The following CNTNAP2 variants were observed in gnomAD, a reference collection of about 807,000 sequenced individuals.
The protein encoded by CNTNAP2 is contactin associated protein 2.
Under a neutral mutation model 155.2 loss-of-function variants are expected in CNTNAP2, and 98 were observed. The ratio of observed to expected loss-of-function variants is 0.63; its 90% CI spans 0.54 to 0.75. The LOEUF is 0.75. Ranked by LOEUF, CNTNAP2 falls within the 30% of genes least tolerant of loss-of-function variation. The pLI, the probability that CNTNAP2 is intolerant of heterozygous loss-of-function variation, is 0.00. For missense variants in CNTNAP2, 1,727 were observed against 1,688.1 expected (o/e 1.02, Z -0.40); for synonymous variants, 651 against 631.2 (o/e 1.03, Z -0.47).
intron 1 of CNTNAP2, among the ~76,000 whole-genome samples, chr7:146,364,243 A>G (rs6464755): frequency 0.51 from 76,915 of 152,096 alleles, 23,664 homozygotes; most frequent in African/African-American, 0.87. Flanking sequence ...ACTAATTACC[A>G]GAGCTGAAAA....
chr7:146,371,393 G>C (rs1290422098), intron 1 of CNTNAP2, among the ~76,000 whole-genome samples: 3 of 114,132 alleles, frequency 2.6e-5, no homozygotes, highest in African/African-American at 3.7e-5. Flanking sequence ...TTTTGAGATG[G>C]AGTCTCGCTC....
At chr7:148,227,884 CGTGTGTGT>C (rs3057282) in intron 19 of CNTNAP2, among the ~76,000 whole-genome samples, 4,131 of 131,464 alleles carry the variant, frequency 0.031, 87 homozygotes, top group Middle Eastern at 0.051. Context: ...AAGAGCACAG[CGTGTGTGT>C]GTGTGTGTGT....
intron 1 of CNTNAP2, among the ~76,000 whole-genome samples, chr7:146,456,034 T>C (rs1699638659): frequency 6.6e-6 from 1 of 152,148 alleles, no homozygotes; most frequent in African/African-American, 2.4e-5. Flanking sequence ...CTCATCCTTA[T>C]ACAAGTGGAG....
At chr7:147,161,742 C>T (rs149629902) in intron 8 of CNTNAP2, 3 of 152,182 alleles carry the variant, frequency 2.0e-5, no homozygotes, top group African/African-American at 7.2e-5. Context: ...AAATATTTTC[C>T]TGTGAATCTA....
intron 15 of CNTNAP2, among the ~76,000 whole-genome samples, chr7:148,103,873 T>G (rs1804153641): frequency 6.6e-6 from 1 of 152,204 alleles, no homozygotes; most frequent in African/African-American, 2.4e-5. Context: ...GCAGCACATT[T>G]TGTAAAAATC....
intron 1 of CNTNAP2, among the ~76,000 whole-genome samples, chr7:146,621,460 C>T (rs1253263552): frequency 2.0e-5 from 3 of 152,132 alleles, no homozygotes; most frequent in African/African-American, 7.2e-5. Context: ...CATTATGCCT[C>T]CTTAGGATTC....
chr7:146,994,560 C>T (rs1178520640), intron 3 of CNTNAP2, among the ~76,000 whole-genome samples: 1 of 152,098 alleles, frequency 6.6e-6, no homozygotes, highest in African/African-American at 2.4e-5. Context: ...ATGAGTGACT[C>T]ACATAAAGCA....
At chr7:146,397,871 C>CTTTTTTTTTTTTTTTTTTT (rs1438446898) in intron 1 of CNTNAP2, among the ~76,000 whole-genome samples, 1 of 126,918 alleles carries the variant, frequency 7.9e-6, no homozygotes. Flanking sequence ...ATTTGACAGG[C>CTTTTTTTTTTTTTTTTTTT]TTTTATTTAT....
intron 13 of CNTNAP2, among the ~76,000 whole-genome samples, chr7:147,691,480 A>G (rs981416038): frequency 3.9e-5 from 6 of 152,130 alleles, no homozygotes; most frequent in Admixed American, 1.3e-4. Context: ...TATTATCACA[A>G]TATCTACTCT....
At chr7:146,477,377 G>A (rs1008430717) in intron 1 of CNTNAP2, among the ~76,000 whole-genome samples, 5 of 152,076 alleles carry the variant, frequency 3.3e-5, no homozygotes, top group African/African-American at 7.2e-5. Context: ...TTTGTCTCAT[G>A]GAGGATTCCA....
intron 1 of CNTNAP2, among the ~76,000 whole-genome samples, chr7:146,750,595 A>C (rs1228601326): frequency 2.0e-5 from 3 of 152,186 alleles, no homozygotes; most frequent in Admixed American, 2.0e-4. Flanking sequence ...CCTACCTAGA[A>C]GCATTTGCCG....
intron 1 of CNTNAP2, among the ~76,000 whole-genome samples, chr7:146,147,108 C>G (rs565788198): frequency 2.0e-5 from 3 of 152,048 alleles, no homozygotes; most frequent in Non-Finnish European, 4.4e-5. Flanking sequence ...ATCAAAATAC[C>G]GCTGAAGCCC....
At chr7:146,415,793 GT>G (rs1474239831) in intron 1 of CNTNAP2, among the ~76,000 whole-genome samples, 2 of 151,944 alleles carry the variant, frequency 1.3e-5, no homozygotes, top group Non-Finnish European at 2.9e-5. Context: ...AAAATTACAA[GT>G]GATATTTATA....
chr7:147,341,604 A>G (rs1278667580), intron 9 of CNTNAP2, among the ~76,000 whole-genome samples: 1 of 152,114 alleles, frequency 6.6e-6, no homozygotes, highest in East Asian at 1.9e-4. Flanking sequence ...TTAGAATCAG[A>G]AAATATCTGA....
At chr7:147,900,345 A>C (rs987445803) in intron 13 of CNTNAP2, among the ~76,000 whole-genome samples, 1 of 152,120 alleles carries the variant, frequency 6.6e-6, no homozygotes, top group Admixed American at 6.5e-5. Context: ...TTCTCATGAT[A>C]GTGAGGAAGT....
At chr7:148,128,451 A>G (rs918757016) in intron 16 of CNTNAP2, among the ~76,000 whole-genome samples, 2 of 152,240 alleles carry the variant, frequency 1.3e-5, no homozygotes, top group Non-Finnish European at 2.9e-5. Context: ...TTTGAATTAC[A>G]GACCAAAAAG....
chr7:147,922,330 A>C (rs770455741), intron 14 of CNTNAP2, among the ~76,000 whole-genome samples: 1 of 152,178 alleles, frequency 6.6e-6, no homozygotes, highest in Admixed American at 6.5e-5. Flanking sequence ...TAGTATGTCA[A>C]TATTGGGAGA....
intron 3 of CNTNAP2, among the ~76,000 whole-genome samples, chr7:146,845,507 T>C (rs1365999595): frequency 6.6e-6 from 1 of 151,256 alleles, no homozygotes; most frequent in African/African-American, 2.4e-5. Flanking sequence ...ATTAGAAACA[T>C]GTGTGTCATC....
chr7:148,123,992 A>G (rs1276389808), intron 16 of CNTNAP2, among the ~76,000 whole-genome samples: 6 of 152,196 alleles, frequency 3.9e-5, no homozygotes, highest in Non-Finnish European at 8.8e-5. Flanking sequence ...TTGGAGATCA[A>G]GAGAGGGTGG....
Sources: allele counts gnomAD v4.1 joint callset (sites outside exome capture counted in the v4.1 genomes callset), GRCh38; gene constraint gnomAD v4.1.1; transcripts MANE v1.5; gene names NCBI Gene and HGNC (gene_info 2026-07-23, HGNC 2026-07-21).